The following ARL13B variants were observed in gnomAD, a reference collection of about 807,000 sequenced individuals.
ARL13B encodes ADP-ribosylation factor-like protein 13B.
Under a neutral mutation model 56.1 loss-of-function variants are expected in ARL13B, and 36 were observed. That is an observed-to-expected ratio of 0.64 (90% CI 0.49 to 0.85). The LOEUF is 0.85. Ranked by LOEUF, ARL13B falls within the 40% of genes least tolerant of loss-of-function variation. The pLI is 0.00. For synonymous variants in ARL13B, 178 were observed against 171.1 expected (o/e 1.04, Z -0.32); for missense variants, 519 against 507.1 (o/e 1.02, Z -0.23).
intron 2 of ARL13B, among the ~76,000 whole-genome samples, chr3:93,999,713 C>T (rs1671948738): frequency 6.6e-6 from 1 of 152,126 alleles, no homozygotes; most frequent in Admixed American, 6.6e-5. Context: ...AGTAACACCC[C>T]TTCCTGGAAC....
chr3:94,002,935 A>C (rs2076076930), intron 2 of ARL13B, among the ~76,000 whole-genome samples: 1 of 152,086 alleles, frequency 6.6e-6, no homozygotes, highest in Admixed American at 6.6e-5. Context: ...TAAGGCCTAA[A>C]TTCTATCTCT....
At chr3:94,029,326 A>AT (rs1559997598) in intron 3 of ARL13B, among the ~76,000 whole-genome samples, 1 of 96,094 alleles carries the variant, frequency 1.0e-5, no homozygotes, top group African/African-American at 6.0e-5. Flanking sequence ...ATATATATAT[A>AT]TATATATATT....
chr3:94,051,764 G>A (rs573688921), intron 9 of ARL13B, among the ~76,000 whole-genome samples: 42 of 152,018 alleles, frequency 2.8e-4, no homozygotes, highest in Admixed American at 1.1e-3. Context: ...CTTTAGAAAA[G>A]CATTACCATA....
At chr3:93,981,225 T>C (rs541673416) in intron 1 of ARL13B, among the ~76,000 whole-genome samples, 1 of 152,356 alleles carries the variant, frequency 6.6e-6, no homozygotes, top group Non-Finnish European at 1.5e-5. Context: ...TGCCAGGCAC[T>C]GTCTTAGGAA....
intron 1 of ARL13B, among the ~76,000 whole-genome samples, chr3:93,981,650 A>G (rs566280956): frequency 7.4e-4 from 113 of 152,078 alleles, no homozygotes; most frequent in African/African-American, 2.7e-3. Context: ...GGGAGGCCGA[A>G]GCTGGCCGAT....
At chr3:94,008,286 C>G (rs2076166564) in intron 3 of ARL13B, among the ~76,000 whole-genome samples, 1 of 152,132 alleles carries the variant, frequency 6.6e-6, no homozygotes, top group African/African-American at 2.4e-5. Flanking sequence ...GTTATCTACT[C>G]TTGCCTGCTC....
chr3:94,010,699 G>A (rs1292506557), intron 3 of ARL13B, among the ~76,000 whole-genome samples: 1 of 151,954 alleles, frequency 6.6e-6, no homozygotes, highest in East Asian at 1.9e-4. Context: ...TTTGAAAAGA[G>A]AACAATGAAA....
chr3:94,022,025 T>C (rs1030792476), intron 3 of ARL13B, among the ~76,000 whole-genome samples: 1 of 152,188 alleles, frequency 6.6e-6, no homozygotes, highest in African/African-American at 2.4e-5. Context: ...AAGACAGTCA[T>C]AAAGGCAGTC....
chr3:93,992,348 T>C (rs1008855346), intron 1 of ARL13B, among the ~76,000 whole-genome samples: 1 of 152,194 alleles, frequency 6.6e-6, no homozygotes, highest in African/African-American at 2.4e-5. Context: ...AACTGCCGAC[T>C]CAGTTGATGC....
intron 3 of ARL13B, among the ~76,000 whole-genome samples, chr3:94,006,810 C>T (rs1166794018): frequency 6.6e-6 from 1 of 152,140 alleles, no homozygotes; most frequent in Non-Finnish European, 1.5e-5. Context: ...TTTAAACTAA[C>T]ATAACCTCTG....
At chr3:94,026,059 G>A (rs1241437075) in intron 3 of ARL13B, among the ~76,000 whole-genome samples, 4 of 142,972 alleles carry the variant, frequency 2.8e-5, no homozygotes, top group East Asian at 2.0e-4. Context: ...TCTCTCTGTC[G>A]CCCAGGCTGG....
chr3:94,029,335 T>TATATATA (rs1559997736), intron 3 of ARL13B, among the ~76,000 whole-genome samples: 6 of 60,692 alleles, frequency 9.9e-5, no homozygotes, highest in Non-Finnish European at 9.9e-5. Context: ...TATATATATA[T>TATATATA]TTATTTTTTT....
chr3:94,005,802 G>A (rs2076124157), intron 3 of ARL13B, among the ~76,000 whole-genome samples: 1 of 152,018 alleles, frequency 6.6e-6, no homozygotes, highest in African/African-American at 2.4e-5. Flanking sequence ...GTACACAAAA[G>A]TACACATTCT....
At chr3:94,005,492 A>G (rs2076119209) in intron 3 of ARL13B, among the ~76,000 whole-genome samples, 1 of 152,244 alleles carries the variant, frequency 6.6e-6, no homozygotes, top group African/African-American at 2.4e-5. Flanking sequence ...TACAGTGATT[A>G]CTGAGTAATC....
At chr3:94,041,751 C>T (rs561993846) in intron 6 of ARL13B, among the ~76,000 whole-genome samples, 10 of 151,924 alleles carry the variant, frequency 6.6e-5, no homozygotes, top group South Asian at 2.1e-4. Flanking sequence ...ATTGGGTTAC[C>T]AAAGGCAGTT....
intron 9 of ARL13B, among the ~76,000 whole-genome samples, chr3:94,052,412 T>A (rs188196293): frequency 2.6e-5 from 4 of 152,212 alleles, no homozygotes; most frequent in Admixed American, 1.3e-4. Flanking sequence ...AGGAGTACTG[T>A]GTACATGGGC....
intron 2 of ARL13B, among the ~76,000 whole-genome samples, chr3:93,997,253 G>C (rs2075983493): frequency 6.6e-6 from 1 of 152,080 alleles, no homozygotes; most frequent in South Asian, 2.1e-4. Flanking sequence ...CCAGTCCATG[G>C]AAAAATTGTC....
chr3:94,023,618 G>A (rs2076494772), intron 3 of ARL13B, among the ~76,000 whole-genome samples: 1 of 152,000 alleles, frequency 6.6e-6, no homozygotes, highest in African/African-American at 2.4e-5. Flanking sequence ...CCAAATAAGG[G>A]GAATTTTAAA....
Position 94,055,197 on chromosome 3 carries a change from A to G in ARL13B, c.*1934A>G, listed in dbSNP as rs1214454052. ...AAATCCAGGTGTATTTTAACAATTA[A>G]ATGCCTATTTTGTTATATGTTATAC... On this transcript the variant is annotated 3_prime_UTR_variant, in exon 10 of 10. Transcript: ENST00000394222. 1 of 380,028 alleles carries G rather than the reference A, an allele frequency of 2.6e-6. No homozygotes were observed. Among genetic ancestry groups the G allele is most frequent in the Non-Finnish European group, 5.1e-6 (1 of 197,140 alleles). The allele number at this position is 380,028 out of a possible 1,614,324, so 23.5% of individuals were successfully genotyped here.
Sources: gnomAD v4.1 joint callset for allele counts (sites outside exome capture counted in the v4.1 genomes callset) on GRCh38, gnomAD v4.1.1 for gene constraint, MANE v1.5 for transcripts, NCBI Gene and HGNC (gene_info 2026-07-23, HGNC 2026-07-21) for gene names.